CELF2: variants seen among roughly 807,000 people sequenced by gnomAD.
CELF2 encodes the protein CUG triplet repeat RNA-binding protein 2.
In CELF2, 8 loss-of-function variants were observed where a neutral mutation model predicts 62.6. The observed-to-expected ratio is 0.13, with a 90% confidence interval of 0.07 to 0.23. The LOEUF (loss-of-function observed/expected upper bound fraction) is 0.23. CELF2 is among the 10% of genes least tolerant of loss of function. The pLI is 1.00. For synonymous variants in CELF2, 258 were observed against 250.0 expected, an observed-to-expected ratio of 1.03 and a Z score of -0.30; for missense variants, 333 against 671.0, an observed-to-expected ratio of 0.50 and a Z score of 5.56.
intron 2 of CELF2, among the ~76,000 whole-genome samples, chr10:11,186,175 C>T (rs1293210885): frequency 1.3e-5 from 2 of 152,016 alleles, no homozygotes; most frequent in Non-Finnish European, 2.9e-5. Context: ...AAAGACAGTT[C>T]TACTTGTCAT....
At chr10:10,814,910 T>G (rs1049768110) in intron 1 of CELF2, among the ~76,000 whole-genome samples, 2 of 152,224 alleles carry the variant, frequency 1.3e-5, no homozygotes, top group Non-Finnish European at 2.9e-5. Flanking sequence ...ACCTAGGGCA[T>G]GAAGACCTGA....
the CELF2 span, among the ~76,000 whole-genome samples, chr10:10,697,949 C>G: frequency 6.6e-6 from 1 of 152,162 alleles, no homozygotes; most frequent in African/African-American, 2.4e-5. Flanking sequence ...TGTGCCACTA[C>G]TCCCAGCTAA....
chr10:10,933,175 C>G (rs1051570909), intron 2 of CELF2, among the ~76,000 whole-genome samples: 1 of 151,512 alleles, frequency 6.6e-6, no homozygotes, highest in African/African-American at 2.4e-5. Flanking sequence ...TGGTGGCACA[C>G]GGCTGTAGTC....
the CELF2 span, among the ~76,000 whole-genome samples, chr10:10,767,995 C>CA: frequency 0.016 from 378 of 23,036 alleles, 35 homozygotes; most frequent in East Asian, 0.099. Flanking sequence ...GACTCCGTCT[C>CA]AAAAAAAAAA....
At chr10:11,000,673 T>C (rs925390334), upstream of CELF2, among the ~76,000 whole-genome samples, 1 of 152,232 alleles carries the variant, frequency 6.6e-6, no homozygotes, top group Non-Finnish European at 1.5e-5. Flanking sequence ...AAGCAACTCA[T>C]ATGAACAAGT....
At chr10:11,284,433 G>C (rs1244884937) in intron 8 of CELF2, among the ~76,000 whole-genome samples, 13 of 151,060 alleles carry the variant, frequency 8.6e-5, no homozygotes, top group Non-Finnish European at 8.8e-5. Flanking sequence ...GGTGGATGAT[G>C]GATGAGTGTG....
the CELF2 span, among the ~76,000 whole-genome samples, chr10:10,475,706 G>A: frequency 6.6e-6 from 1 of 152,022 alleles, no homozygotes. Context: ...AGGCTAAGAA[G>A]TGCTTCTAGT....
At chr10:10,761,036 G>T in the CELF2 span, among the ~76,000 whole-genome samples, 1 of 152,048 alleles carries the variant, frequency 6.6e-6, no homozygotes, top group Non-Finnish European at 1.5e-5. Context: ...CATAGATATG[G>T]TATTGTCCCA....
At chr10:11,320,746 C>T in intron 10 of CELF2, 7 of 1,156,494 alleles carry the variant, frequency 6.1e-6, no homozygotes, top group Admixed American at 4.9e-5. Context: ...CTCCTCAGCC[C>T]TGCAAGCTAT....
At chr10:10,619,540 G>A in the CELF2 span, among the ~76,000 whole-genome samples, 1 of 152,304 alleles carries the variant, frequency 6.6e-6, no homozygotes, top group African/African-American at 2.4e-5. Flanking sequence ...TGGACGTGGA[G>A]GTCTTTGGGT....
chr10:10,768,900 T>C, the CELF2 span, among the ~76,000 whole-genome samples: 317 of 152,266 alleles, frequency 2.1e-3, 1 homozygote, highest in Admixed American at 3.0e-3. Flanking sequence ...ATTGTTCTAC[T>C]AGAGTATGTG....
chr10:10,617,375 G>C, the CELF2 span, among the ~76,000 whole-genome samples: 1 of 152,144 alleles, frequency 6.6e-6, no homozygotes, highest in Admixed American at 6.5e-5. Flanking sequence ...GGCACAAGAG[G>C]TTAGGTAACT....
chr10:10,757,886 C>T, the CELF2 span, among the ~76,000 whole-genome samples: 1 of 152,152 alleles, frequency 6.6e-6, no homozygotes, highest in Non-Finnish European at 1.5e-5. Context: ...AAGAATCTTT[C>T]AATAATGAAG....
intron 2 of CELF2, among the ~76,000 whole-genome samples, chr10:10,978,123 T>C (rs551443904): frequency 6.6e-6 from 1 of 151,864 alleles, no homozygotes; most frequent in African/African-American, 2.4e-5. Context: ...AATGTGTCTA[T>C]GAAATTACTG....
At chr10:11,218,095 A>G (rs1027180347) in intron 3 of CELF2, among the ~76,000 whole-genome samples, 2 of 152,208 alleles carry the variant, frequency 1.3e-5, no homozygotes, top group Non-Finnish European at 2.9e-5. Flanking sequence ...AGTTGGCACA[A>G]TTCACCAGAA....
At chr10:10,499,487 C>T in the CELF2 span, among the ~76,000 whole-genome samples, 11 of 152,236 alleles carry the variant, frequency 7.2e-5, no homozygotes, top group South Asian at 2.1e-4. Flanking sequence ...ATGTTAAGTT[C>T]GCTTAGGAGT....
chr10:10,760,740 CCAA>C, the CELF2 span, among the ~76,000 whole-genome samples: 1 of 152,062 alleles, frequency 6.6e-6, no homozygotes, highest in Non-Finnish European at 1.5e-5. Context: ...AGGAAAAAGG[CCAA>C]CAGTGTTTCT....
At chr10:11,116,885 G>C (rs149121896) in intron 1 of CELF2, among the ~76,000 whole-genome samples, 1 of 152,122 alleles carries the variant, frequency 6.6e-6, no homozygotes, top group Non-Finnish European at 1.5e-5. Context: ...CCTAAACTAT[G>C]GTAGATACTA....
intron 2 of CELF2, among the ~76,000 whole-genome samples, chr10:10,944,837 A>G (rs972674746): frequency 3.3e-5 from 5 of 152,176 alleles, no homozygotes; most frequent in Admixed American, 2.6e-4. Flanking sequence ...AACTGAACTC[A>G]GGTGAGCTGC....
Sources: allele counts gnomAD v4.1 joint callset (sites outside exome capture counted in the v4.1 genomes callset), GRCh38; gene constraint gnomAD v4.1.1; transcripts MANE v1.5; gene names NCBI Gene and HGNC (gene_info 2026-07-23, HGNC 2026-07-21).